Variants in LRRC7 observed in about 807,000 individuals in gnomAD.
LRRC7 encodes the protein leucine-rich repeat-containing protein 7.
In LRRC7, 23 loss-of-function variants were observed where a neutral mutation model predicts 175.7. The observed-to-expected ratio is 0.13, with a 90% CI of 0.09 to 0.19. The LOEUF is 0.19. Among genes scored for constraint, LRRC7 ranks in the 10% least tolerant of loss-of-function variants. The pLI is 1.00. For missense variants in LRRC7, 1,354 were observed against 1,904.7 expected, an observed-to-expected ratio of 0.71 and a Z score of 5.38; for synonymous variants, 685 against 680.9, an observed-to-expected ratio of 1.01 and a Z score of -0.09.
intron 4 of LRRC7, among the ~76,000 whole-genome samples, chr1:69,808,120 G>C (rs1677356007): frequency 6.6e-6 from 1 of 151,442 alleles, no homozygotes; most frequent in Non-Finnish European, 1.5e-5. Context: ...GCTTCACAGA[G>C]TTCTCATGCT....
intron 2 of LRRC7, among the ~76,000 whole-genome samples, chr1:69,755,089 G>A (rs1305507321): frequency 6.6e-6 from 1 of 151,936 alleles, no homozygotes; most frequent in Non-Finnish European, 1.5e-5. Context: ...GACGCCAAAG[G>A]AAGAGTGTTT....
chr1:69,700,223 T>C (rs1663173130), intron 2 of LRRC7, among the ~76,000 whole-genome samples: 1 of 152,174 alleles, frequency 6.6e-6, no homozygotes. Flanking sequence ...GTTTGGGTGA[T>C]AGTTTTATTA....
intron 7 of LRRC7, among the ~76,000 whole-genome samples, chr1:69,876,981 TG>T (rs1241297711): frequency 6.6e-6 from 1 of 152,096 alleles, no homozygotes; most frequent in African/African-American, 2.4e-5. Flanking sequence ...AGGTGAAGCC[TG>T]AGGAGTCTTT....
intron 1 of LRRC7, among the ~76,000 whole-genome samples, chr1:69,671,166 A>G (rs1048816428): frequency 3.9e-5 from 6 of 152,180 alleles, no homozygotes; most frequent in African/African-American, 1.4e-4. Context: ...AGGCCACAGC[A>G]TAGTATCTGG....
intron 25 of LRRC7, among the ~76,000 whole-genome samples, chr1:70,096,584 G>A (rs1037680381): frequency 6.6e-6 from 1 of 151,448 alleles, no homozygotes; most frequent in African/African-American, 2.4e-5. Flanking sequence ...TGAGTTCTCT[G>A]TTGAAAGAGA....
At chr1:69,699,982 A>G (rs945544595) in intron 2 of LRRC7, among the ~76,000 whole-genome samples, 30 of 152,166 alleles carry the variant, frequency 2.0e-4, no homozygotes, top group African/African-American at 6.0e-4. Context: ...GGGTAGCATC[A>G]TTGACTTCAC....
chr1:69,902,410 A>C (rs2154405), intron 7 of LRRC7, among the ~76,000 whole-genome samples: 83,016 of 151,728 alleles, frequency 0.55, 22,796 homozygotes, highest in East Asian at 0.7. Context: ...TCTCTACAAA[A>C]CAATACAAAA....
intron 7 of LRRC7, among the ~76,000 whole-genome samples, chr1:69,871,226 G>T (rs1685499170): frequency 6.6e-6 from 1 of 152,078 alleles, no homozygotes; most frequent in African/African-American, 2.4e-5. Context: ...ATTGTATGCT[G>T]TAATACCTTA....
rs906279822 is a variant in LRRC7 at position 70,143,892 on chromosome 1, A to ACTT, written c.*22006_*22008dup. On this transcript the variant is annotated 3_prime_UTR_variant, in exon 27 of 27. Transcript: ENST00000651989. ...AGACTACTATATCACAATTAAAAGT[A>ACTT]CTTTTTAGTTGAACTACATATTGAT... 5.9e-5 allele frequency: 9 copies of ACTT among 152,308 alleles called. No individual in the cohort carries two copies. Among genetic ancestry groups the ACTT allele is most frequent in the Middle Eastern group, 3.4e-3 (1 of 294 alleles). 9.4% of individuals were successfully genotyped at this position (152,308 alleles called of 1,614,324 possible). A position where few individuals can be genotyped will look rare whatever the true frequency, so the allele number is the denominator to read the frequency against.
At chr1:70,106,201 AGTGATTTTTAT>A (rs1466349193) in intron 25 of LRRC7, among the ~76,000 whole-genome samples, 1 of 152,192 alleles carries the variant, frequency 6.6e-6, no homozygotes, top group Non-Finnish European at 1.5e-5. Flanking sequence ...TGTACAATTA[AGTGATTTTTAT>A]GTGTTCAGAG....
chr1:69,683,326 C>A (rs1570339753), intron 2 of LRRC7, among the ~76,000 whole-genome samples: 1 of 152,220 alleles, frequency 6.6e-6, no homozygotes, highest in Admixed American at 6.5e-5. Flanking sequence ...AAGATTCTAC[C>A]AAATGCTCCC....
intron 7 of LRRC7, among the ~76,000 whole-genome samples, chr1:69,898,712 G>C (rs959555005): frequency 6.6e-6 from 1 of 150,618 alleles, no homozygotes; most frequent in Non-Finnish European, 1.5e-5. Flanking sequence ...TCAATTCTAA[G>C]TGGTCAGGAA....
chr1:69,626,526 T>C (rs1447200239), intron 1 of LRRC7, among the ~76,000 whole-genome samples: 1 of 151,992 alleles, frequency 6.6e-6, no homozygotes, highest in Non-Finnish European at 1.5e-5. Flanking sequence ...TTCACTTTAG[T>C]GTAGACATTT....
At chr1:69,765,945 C>CAAAATGTA (rs1331256105) in intron 3 of LRRC7, among the ~76,000 whole-genome samples, 1 of 150,302 alleles carries the variant, frequency 6.7e-6, no homozygotes, top group Non-Finnish European at 1.5e-5. Context: ...AAGCAATAAA[C>CAAAATGTA]AAAATGTAAT....
intron 1 of LRRC7, among the ~76,000 whole-genome samples, chr1:69,616,949 T>C (rs542734568): frequency 6.6e-6 from 1 of 152,130 alleles, no homozygotes. Flanking sequence ...TGTCAGAACT[T>C]GTGCCTAACT....
intron 3 of LRRC7, among the ~76,000 whole-genome samples, chr1:69,765,303 G>A (rs1366189457): frequency 6.6e-6 from 1 of 152,104 alleles, no homozygotes; most frequent in Non-Finnish European, 1.5e-5. Flanking sequence ...TATGTATTAG[G>A]AAAGGAGAGG....
chr1:70,036,561 T>C lies in LRRC7; in HGVS notation c.2225T>C (p.Val742Ala). 6.2e-7 allele frequency: 1 copy of C among 1,614,040 alleles called. No homozygotes were observed. Among genetic ancestry groups the C allele is most frequent in the Non-Finnish European group, 8.5e-7 (1 of 1,179,952 alleles). The stretch of plus-strand genomic sequence containing the variant: ...TCCTCAGGATCCTCTAATACCCGGG[T>C]TAAAGTGGGGTCCTTGCAGACAACA... Reference protein sequence around the residue: ...QASSGSSNTRVKVGSLQTTAK... With the variant: ...QASSGSSNTRAKVGSLQTTAK... The change falls in exon 20 of 27, where the codon GTT becomes GCT. Residue 742 changes from valine to alanine, a missense_variant. Val to Ala is a moderately conservative substitution (Grantham distance 64). Around this residue, in one of 4 missense-constraint regions of LRRC7, gnomAD observed 1,032 missense variants for 1,227.2 expected, o/e 0.84. Coordinates refer to ENST00000651989, the MANE Select transcript of LRRC7 (RefSeq NM_001370785.2).
Position 69,781,695 on chromosome 1 carries a change from GAAA to G in LRRC7, c.304-10347_304-10345del, listed in dbSNP as rs1557718946. On this transcript the variant is annotated intron_variant, in intron 3 of 26. Coordinates refer to ENST00000651989, the MANE Select transcript of LRRC7 (RefSeq NM_001370785.2). ...AGACTGTCTCAAAAAAAAGAAGAAAGAAAGAAAGAAAGAAAGAAAGAAAGAAAG... is the reference window on the plus strand; with the variant it reads ...AGACTGTCTCAAAAAAAAGAAGAAAGGAAAGAAAGAAAGAAAGAAAGAAAG... Among the ~76,000 whole-genome samples the G allele has an allele frequency of 9.0e-3, 213 of 23,622 alleles. 9 individuals carry two copies. Among genetic ancestry groups the G allele is most frequent in the African/African-American group, 0.047 (205 of 4,394 alleles). 15.5% of individuals were successfully genotyped at this position (23,622 alleles called of 152,430 possible). A position where few individuals can be genotyped will look rare whatever the true frequency, so the allele number is the denominator to read the frequency against.
intron 2 of LRRC7, among the ~76,000 whole-genome samples, chr1:69,697,461 C>A (rs1350181741): frequency 6.6e-6 from 1 of 152,172 alleles, no homozygotes; most frequent in Non-Finnish European, 1.5e-5. Context: ...ATTCACTACC[C>A]CGCTGTGGGC....
Sources: allele counts gnomAD v4.1 joint callset (sites outside exome capture counted in the v4.1 genomes callset), GRCh38; gene constraint gnomAD v4.1.1; regional missense constraint gnomAD v4.1.1; transcripts MANE v1.5; gene names NCBI Gene and HGNC (gene_info 2026-07-23, HGNC 2026-07-21).